DPPA4: variants seen among roughly 807,000 people sequenced by gnomAD.
The protein encoded by DPPA4 is developmental pluripotency-associated protein 4.
Under a neutral mutation model 33.7 loss-of-function variants are expected in DPPA4, and 22 were observed. The observed-to-expected ratio is 0.65, with a 90% CI of 0.47 to 0.93. DPPA4 has a LOEUF of 0.93. Ranked by LOEUF, DPPA4 falls within the 40% of genes least tolerant of loss-of-function variation. The pLI is 0.00. For synonymous variants in DPPA4, 156 were observed against 132.3 expected, an observed-to-expected ratio of 1.18 and a Z score of -1.23; for missense variants, 340 against 358.6, an observed-to-expected ratio of 0.95 and a Z score of 0.42.
chr3:109,328,064 A>G, intron 6 of DPPA4, 40 bp from the exon 7 acceptor site: 1 of 1,324,286 alleles, frequency 7.6e-7, no homozygotes, highest in Non-Finnish European at 1.1e-6. Flanking sequence ...AAAAGAATGA[A>G]GAAATATTAA....
chr3:109,329,561 CAAGACA>C (rs1335556015), intron 5 of DPPA4: 1 of 159,540 alleles, frequency 6.3e-6, no homozygotes, highest in Non-Finnish European at 1.4e-5. Context: ...AAAAAGCATA[CAAGACA>C]GTTCCTGTTA....
intron 2 of DPPA4, chr3:109,333,349 C>CAAAAAAAAAAAAAAA (rs56044946): frequency 1.0e-5 from 1 of 97,562 alleles, no homozygotes; most frequent in Non-Finnish European, 2.0e-5. Context: ...CTTGGTGTCT[C>CAAAAAAAAAAAAAAA]AAAAAAAAAA....
At chr3:109,337,638 T>G, upstream of DPPA4, 1 of 819,012 alleles carries the variant, frequency 1.2e-6, no homozygotes, top group Non-Finnish European at 2.1e-6. Flanking sequence ...TTCTGTTCCC[T>G]CCCCCACAAT....
rs1308480828 is a variant in DPPA4, at chr3:109,331,910, C to T, written c.300G>A (p.Arg100=). The change falls in exon 3 of 7, where the codon CGG becomes CGA. Residue 100 remains arginine (R), a synonymous_variant. Coordinates refer to ENST00000335658, the MANE Select transcript of DPPA4 (RefSeq NM_018189.4). Reference sequence around the variant, plus strand: ...TCAGCTTCAATTGTTGGCACCAGGCCCGCAGAATGTCCCGGTGAATCAGAT... The same window carrying T: ...TCAGCTTCAATTGTTGGCACCAGGCTCGCAGAATGTCCCGGTGAATCAGAT... ...PVNLIHRDIL[R]AWCQQLKLSS... 8.1e-6 allele frequency: 13 copies of T among 1,613,978 alleles called. No homozygotes were observed. The South Asian group carries it at 1.4e-4, about 18-fold the overall frequency.
rs532069241 is a variant in DPPA4, at chr3:109,330,582, C to T, written c.621G>A (p.Ala207=). ...GTGTCCTCGCCCTGGCTGAAATTCT[C>T]GCCCAGGAGGCCAGCAAAGCCTCTG... ...SAPEALLASW[A]RISARARTPE... is the part of the protein sequence containing the mutation. Residue 207 remains alanine, a synonymous_variant, in exon 5 of 7, where the codon GCG becomes GCA. Coordinates refer to ENST00000335658, the MANE Select transcript of DPPA4 (RefSeq NM_018189.4). 19 of 1,614,114 alleles carry T rather than the reference C, an allele frequency of 1.2e-5. No individual in the cohort carries two copies. The East Asian group carries it at 1.6e-4, about 13-fold the overall frequency.
intron 2 of DPPA4, 25 bp from the exon 3 acceptor site, chr3:109,332,056 G>T (rs1470884233): frequency 3.2e-6 from 5 of 1,544,398 alleles, no homozygotes; most frequent in Non-Finnish European, 3.5e-6. Context: ...AATCAAATGA[G>T]TAGTAATTAT....
At chr3:109,335,415 T>C (rs1708171186) in intron 1 of DPPA4, among the ~76,000 whole-genome samples, 1 of 152,186 alleles carries the variant, frequency 6.6e-6, no homozygotes, top group Non-Finnish European at 1.5e-5. Context: ...CGCGAGCCAC[T>C]GCGCCCAAGG....
chr3:109,331,260 C>CAAAAAAAAAAAAAAAAA (rs10593582), intron 4 of DPPA4, among the ~76,000 whole-genome samples: 4 of 58,388 alleles, frequency 6.9e-5, no homozygotes, highest in Admixed American at 3.1e-4. Context: ...GACTCTGTCT[C>CAAAAAAAAAAAAAAAAA]AAAAAAAAAA....
intron 1 of DPPA4, among the ~76,000 whole-genome samples, chr3:109,335,517 C>T (rs888495115): frequency 1.1e-4 from 16 of 152,158 alleles, no homozygotes; most frequent in Non-Finnish European, 2.2e-4. Context: ...CAACTTCCAT[C>T]TCCCCGGTTT....
intron 2 of DPPA4, chr3:109,333,362 A>AC (rs1440307041): frequency 6.6e-6 from 1 of 151,506 alleles, no homozygotes; most frequent in Non-Finnish European, 1.5e-5. Flanking sequence ...AAAAAAAAAA[A>AC]AAAAAAAAAA....
intron 2 of DPPA4, 76 bp downstream of exon 2, chr3:109,333,794 T>A (rs913891964): frequency 1.7e-5 from 26 of 1,551,238 alleles, no homozygotes; most frequent in Non-Finnish European, 2.2e-5. Flanking sequence ...TCTTCCCTGG[T>A]TTTTCTTCTT....
In DPPA4 at chr3:109,330,811, T is replaced by A. The variant is rs200092233; in HGVS notation, c.392A>T (p.Asp131Val). 108 of 1,595,052 alleles carry A rather than the reference T, an allele frequency of 6.8e-5. 1 individual carries two copies. The East Asian group carries it at 1.9e-3, about 29-fold the overall frequency. Residue 131 changes from aspartate to valine, a missense_variant and splice_region_variant, in exon 5 of 7, where the codon GAT (aspartate) becomes GTT (valine). By Grantham distance (152) the Asp-to-Val change is radical. This residue lies in a region of DPPA4 where 212 missense variants were observed against 206.5 expected (regional missense o/e 1.03). Transcript: ENST00000335658. The stretch of plus-strand genomic sequence containing the variant: ...GGCCTCTTTTGCTGTGCTAGGAAAA[T>A]CCTACAAAAAGGGTTAAATAATAAA... ...LCAFAYPNQK[D>V]FPSTAKEAKI... is the part of the protein sequence containing the mutation.
chr3:109,337,642 C>T (rs1708242324), upstream of DPPA4: 3 of 804,256 alleles, frequency 3.7e-6, no homozygotes, highest in Non-Finnish European at 6.3e-6. Flanking sequence ...GTTCCCTCCC[C>T]CACAATTTGT....
chr3:109,335,834 G>A (rs1708183280), intron 1 of DPPA4, among the ~76,000 whole-genome samples: 1 of 152,004 alleles, frequency 6.6e-6, no homozygotes, highest in Admixed American at 6.6e-5. Context: ...ACACAGATTA[G>A]GGGTACATTA....
chr3:109,328,854 C>T, intron 6 of DPPA4, 36 bp downstream of exon 6: 5 of 1,568,510 alleles, frequency 3.2e-6, no homozygotes, highest in Non-Finnish European at 4.3e-6. Context: ...AATCCGGCAC[C>T]CACTTTTAGT....
upstream of DPPA4, among the ~76,000 whole-genome samples, chr3:109,338,226 G>A (rs1328398022): frequency 6.6e-6 from 1 of 152,018 alleles, no homozygotes; most frequent in African/African-American, 2.4e-5. Flanking sequence ...ACCACTCCCC[G>A]CCCGAGTATT....
At position 109,331,734 on chromosome 3, in the gene DPPA4, C is replaced by T. The variant is rs1708084906; in HGVS notation, c.390G>A (p.Lys130=). The T allele has an allele frequency of 3.7e-6, 6 of 1,613,802 alleles. No individual in the cohort carries two copies. The highest frequency in any genetic ancestry group is 5.1e-6 in the Non-Finnish European group (6 of 1,179,930). The part of the protein sequence containing the change: ...RLCAFAYPNQ[K]DFPSTAKEAK... ...AAACGTCCATCCTTTAAAAAGTTAC[C>T]TTTTGATTTGGGTAGGCAAAGGCAC... is the stretch of plus-strand genomic sequence containing the variant. The change falls in exon 4 of 7, where the codon AAG becomes AAA. Residue 130 remains lysine, a splice_region_variant and synonymous_variant. Transcript: ENST00000335658.
At chr3:109,331,342 G>C (rs1034088479) in intron 4 of DPPA4, among the ~76,000 whole-genome samples, 1 of 145,418 alleles carries the variant, frequency 6.9e-6, no homozygotes, top group East Asian at 2.1e-4. Context: ...GAAAATTGCT[G>C]GCCAGGCACA....
At chr3:109,331,517 C>T (rs1253901215) in intron 4 of DPPA4, among the ~76,000 whole-genome samples, 1 of 115,952 alleles carries the variant, frequency 8.6e-6, no homozygotes, top group African/African-American at 3.3e-5. Context: ...GCACTCCAGC[C>T]TGGGTGACAG....
Sources: allele counts gnomAD v4.1 joint callset (sites outside exome capture counted in the v4.1 genomes callset), GRCh38; gene constraint gnomAD v4.1.1; regional missense constraint gnomAD v4.1.1; transcripts MANE v1.5; gene names NCBI Gene and HGNC (gene_info 2026-07-23, HGNC 2026-07-21).